Variants in ZBTB20 observed in about 807,000 individuals in gnomAD.
The protein encoded by ZBTB20 is zinc finger and BTB domain-containing protein 20.
In ZBTB20, 9 loss-of-function variants were observed where a neutral mutation model predicts 56.9. The observed-to-expected ratio is 0.16, with a 90% confidence interval of 0.10 to 0.28. The LOEUF is 0.28. ZBTB20 is among the 10% of genes least tolerant of loss of function. ZBTB20 has a pLI of 1.00. For missense variants in ZBTB20, 655 were observed against 1,003.0 expected, an observed-to-expected ratio of 0.65 and a Z score of 4.69; for synonymous variants, 417 against 420.7, an observed-to-expected ratio of 0.99 and a Z score of 0.11.
intron 6 of ZBTB20, among the ~76,000 whole-genome samples, chr3:114,643,114 A>G (rs563548579): frequency 6.6e-6 from 1 of 152,022 alleles, no homozygotes; most frequent in African/African-American, 2.4e-5. Context: ...AATATGCTAA[A>G]CTCTTCACTG....
At chr3:114,410,685 T>C (rs2087853653) in intron 7 of ZBTB20, among the ~76,000 whole-genome samples, 1 of 152,144 alleles carries the variant, frequency 6.6e-6, no homozygotes, top group Non-Finnish European at 1.5e-5. Context: ...TTCCAGCAGG[T>C]AAAATGCTGA....
At position 114,576,501 on chromosome 3, in the gene ZBTB20, CAAAAAAAAAAAAAAAAAAAAAAAAAAAAA is replaced by C. The variant is rs61714991; in HGVS notation, c.-294-76139_-294-76111del. On this transcript the variant is annotated intron_variant, in intron 6 of 11. Transcript: ENST00000675478. Reference sequence around the variant, plus strand: ...TGGGTGACAGAGCAAGACTCCGTCTCAAAAAAAAAAAAAAAAAAAAAAAAAAAAAAAAAAAAAAAAAAAAAAATGTATAC... The same window carrying C: ...TGGGTGACAGAGCAAGACTCCGTCTCAAAAAAAAAAAAAAAAAATGTATAC... Among the ~76,000 whole-genome samples the C allele has an allele frequency of 2.4e-3, 59 of 24,110 alleles. 1 individual carries two copies. The highest frequency in any genetic ancestry group is 0.016 in the Admixed American group (24 of 1,528). 15.8% of individuals were successfully genotyped at this position (24,110 alleles called of 152,430 possible). A position where few individuals can be genotyped will look rare whatever the true frequency, so the allele number is the denominator to read the frequency against.
intron 7 of ZBTB20, among the ~76,000 whole-genome samples, chr3:114,398,791 A>G (rs749205795): frequency 6.6e-6 from 1 of 152,174 alleles, no homozygotes; most frequent in Non-Finnish European, 1.5e-5. Context: ...ACTGTGTGCT[A>G]TTGTGCCTGG....
chr3:114,372,009 C>T (rs148262748), intron 10 of ZBTB20, among the ~76,000 whole-genome samples: 2,422 of 152,058 alleles, frequency 0.016, 45 homozygotes, highest in Middle Eastern at 0.031. Flanking sequence ...TGGAAAGATC[C>T]GACTTGAAAT....
intron 5 of ZBTB20, among the ~76,000 whole-genome samples, chr3:114,739,076 C>T (rs2066390537): frequency 6.6e-6 from 1 of 152,064 alleles, no homozygotes; most frequent in East Asian, 1.9e-4. Flanking sequence ...GGCCATCGTG[C>T]CAACGTATTG....
chr3:114,827,057 T>C (rs568618562), intron 4 of ZBTB20, among the ~76,000 whole-genome samples: 6 of 151,846 alleles, frequency 4.0e-5, no homozygotes, highest in Non-Finnish European at 8.9e-5. Context: ...TTACCAATCA[T>C]AATTTTAGAG....
Position 114,315,807 on chromosome 3 carries a change from T to C in ZBTB20, c.*23198A>G, listed in dbSNP as rs908591291. On this transcript the variant is annotated 3_prime_UTR_variant, in exon 12 of 12. Transcript: ENST00000675478. ...AACATACATGCCCAGATATCTCTTCTGTGCACATGTATATGTTAACAGCTA... is the reference window on the plus strand; with the variant it reads ...AACATACATGCCCAGATATCTCTTCCGTGCACATGTATATGTTAACAGCTA... 6 of 152,574 alleles carry C rather than the reference T, an allele frequency of 3.9e-5. No individual in the cohort carries two copies. Among genetic ancestry groups the C allele is most frequent in the African/African-American group, 1.4e-4 (6 of 41,458 alleles). The allele number at this position is 152,574 out of a possible 1,614,324, so 9.5% of individuals were successfully genotyped here. A position where few individuals can be genotyped will look rare whatever the true frequency, so the allele number is the denominator to read the frequency against.
intron 6 of ZBTB20, among the ~76,000 whole-genome samples, chr3:114,587,971 T>C (rs927135488): frequency 6.6e-6 from 1 of 152,228 alleles, no homozygotes; most frequent in Admixed American, 6.5e-5. Flanking sequence ...TAAGTGATTC[T>C]AACCTAATCA....
At chr3:115,059,997 C>T (rs1368640895) in intron 2 of ZBTB20, among the ~76,000 whole-genome samples, 1 of 152,042 alleles carries the variant, frequency 6.6e-6, no homozygotes, top group African/African-American at 2.4e-5. Flanking sequence ...ATAGTAATTC[C>T]TTATCTTCTC....
intron 2 of ZBTB20, among the ~76,000 whole-genome samples, chr3:115,037,885 A>G (rs548625199): frequency 1.3e-5 from 2 of 152,342 alleles, no homozygotes; most frequent in South Asian, 4.1e-4. Context: ...TAAATAAATA[A>G]ATATGCTAGA....
chr3:114,362,919 AG>A (rs1380929803), intron 10 of ZBTB20, among the ~76,000 whole-genome samples: 2 of 152,200 alleles, frequency 1.3e-5, no homozygotes, highest in South Asian at 4.1e-4. Context: ...CATTGATAAC[AG>A]GGTATTTATA....
intron 5 of ZBTB20, among the ~76,000 whole-genome samples, chr3:114,730,474 C>T (rs758312783): frequency 3.9e-5 from 6 of 152,162 alleles, no homozygotes; most frequent in Non-Finnish European, 7.3e-5. Flanking sequence ...CCCTAAGCTC[C>T]TACCAACTGT....
intron 7 of ZBTB20, among the ~76,000 whole-genome samples, chr3:114,404,268 T>C (rs923059773): frequency 6.6e-6 from 1 of 152,152 alleles, no homozygotes; most frequent in African/African-American, 2.4e-5. Flanking sequence ...TTTTTCCTCA[T>C]CCTTCCCACA....
chr3:114,937,428 CTT>C (rs879506585), intron 3 of ZBTB20, among the ~76,000 whole-genome samples: 2 of 144,350 alleles, frequency 1.4e-5, no homozygotes, highest in Admixed American at 6.9e-5. Context: ...TCTTCTTCTT[CTT>C]TTTTTTTTTT....
At chr3:114,807,197 A>C (rs9878906) in intron 4 of ZBTB20, among the ~76,000 whole-genome samples, 101,764 of 151,868 alleles carry the variant, frequency 0.67, 39,398 homozygotes, top group East Asian at 0.96. Flanking sequence ...GCTAGTATAC[A>C]GAAATATAAT....
chr3:114,542,626 A>C (rs2049255846), intron 6 of ZBTB20, among the ~76,000 whole-genome samples: 2 of 152,174 alleles, frequency 1.3e-5, no homozygotes, highest in Non-Finnish European at 2.9e-5. Context: ...TTGTGTAATG[A>C]AAAGGAAATT....
intron 2 of ZBTB20, among the ~76,000 whole-genome samples, chr3:115,026,944 A>G (rs1166201411): frequency 6.6e-6 from 1 of 150,850 alleles, no homozygotes; most frequent in African/African-American, 2.4e-5. Context: ...TTGTCATCAG[A>G]AGTTTTGAAT....
intron 1 of ZBTB20, among the ~76,000 whole-genome samples, chr3:115,098,051 TAAAGG>T (rs2083442936): frequency 6.6e-6 from 1 of 152,244 alleles, no homozygotes; most frequent in Non-Finnish European, 1.5e-5. Context: ...GCTAAAAGGT[TAAAGG>T]AAATTTTCAT....
At chr3:114,390,231 T>C (rs149193043) in intron 7 of ZBTB20, among the ~76,000 whole-genome samples, 2,807 of 152,314 alleles carry the variant, frequency 0.018, 41 homozygotes, top group South Asian at 0.069. Flanking sequence ...CCATATATCA[T>C]GGATGACCTC....
Sources: gnomAD v4.1 joint callset for allele counts (sites outside exome capture counted in the v4.1 genomes callset) on GRCh38, gnomAD v4.1.1 for gene constraint, MANE v1.5 for transcripts, NCBI Gene and HGNC (gene_info 2026-07-23, HGNC 2026-07-21) for gene names.